The following ADAMTSL5 variants were observed in gnomAD, a reference collection of about 807,000 sequenced individuals.
ADAMTSL5 encodes the protein ADAMTS-like protein 5.
Under a neutral mutation model 51.7 loss-of-function variants are expected in ADAMTSL5, and 53 were observed. That is an observed-to-expected ratio of 1.03 (90% CI 0.82 to 1.29). ADAMTSL5 has a LOEUF of 1.29. Among genes scored for constraint, ADAMTSL5 ranks in the 50% most tolerant of loss-of-function variants. The pLI, the probability that ADAMTSL5 is intolerant of heterozygous loss-of-function variation, is 0.00. For missense variants in ADAMTSL5, 770 were observed against 676.2 expected (o/e 1.14, Z -1.54); for synonymous variants, 285 against 278.7 (o/e 1.02, Z -0.23).
In ADAMTSL5 at chr19:1,510,633, G is replaced by T; in HGVS notation, c.191+6C>A. 1 of 1,532,394 alleles carries T rather than the reference G, an allele frequency of 6.5e-7. No homozygotes were observed. Among genetic ancestry groups the T allele is most frequent in the Non-Finnish European group, 8.8e-7 (1 of 1,138,536 alleles). The allele number at this position is 1,532,394 out of a possible 1,614,324, so 94.9% of individuals were successfully genotyped here. On this transcript the variant is annotated splice_donor_region_variant and intron_variant, in intron 3 of 11. Transcript: ENST00000330475. Reference sequence around the variant, plus strand: ...GGGGCAGGGACCCCCTCCGGGCCCCGCTCACCGGAGGCAGCGCCGGCTGCG... The same window carrying T: ...GGGGCAGGGACCCCCTCCGGGCCCCTCTCACCGGAGGCAGCGCCGGCTGCG...
intron 5 of ADAMTSL5, among the ~76,000 whole-genome samples, chr19:1,509,250 A>G (rs58976815): frequency 0.63 from 76,886 of 121,386 alleles, 24,619 homozygotes; most frequent in Non-Finnish European, 0.72. Context: ...GCGAGACTCC[A>G]TCTCAAAAAA....
At chr19:1,507,180 C>T in intron 9 of ADAMTSL5, 62 bp downstream of exon 9, 1 of 1,512,572 alleles carries the variant, frequency 6.6e-7, no homozygotes, top group Non-Finnish European at 8.8e-7. Flanking sequence ...ACCCTCTGTC[C>T]CCAGCCTCTC....
rs1316620604 is a variant in ADAMTSL5 at position 1,508,526 on chromosome 19, A to G, written c.406T>C (p.Phe136Leu). Reference sequence around the variant, plus strand: ...AGGACGCGGCCGAAGCTGTGGTAGAAGGCGTGCCCCTCAGCCAGGCAGTTG... The same window carrying G: ...AGGACGCGGCCGAAGCTGTGGTAGAGGGCGTGCCCCTCAGCCAGGCAGTTG... ...DLNCLAEGHA[F>L]YHSFGRVLDG... Residue 136 changes from phenylalanine to leucine, a missense_variant, in exon 6 of 12, where the codon TTC becomes CTC. Coordinates refer to ENST00000330475, the MANE Select transcript of ADAMTSL5 (RefSeq NM_213604.3). The G allele has an allele frequency of 6.3e-7, 1 of 1,585,138 alleles. No individual in the cohort carries two copies. The highest frequency in any genetic ancestry group is 1.7e-5 in the Admixed American group (1 of 58,498).
rs1027104727 is a variant in ADAMTSL5, at chr19:1,505,956, C to T, written c.*59G>A. 2.1e-5 allele frequency: 31 copies of T among 1,451,414 alleles called. No individual in the cohort carries two copies. Among genetic ancestry groups the T allele is most frequent in the Admixed American group, 2.6e-5 (1 of 38,568 alleles). 89.9% of individuals were successfully genotyped at this position (1,451,414 alleles called of 1,614,324 possible). On this transcript the variant is annotated 3_prime_UTR_variant, in exon 12 of 12. Transcript: ENST00000330475. The stretch of plus-strand genomic sequence containing the variant: ...CAGGGTGAGAGGGGAAATACGTTGA[C>T]GTTGAGGCTGGTCAGATGTATCTTT...
intron 3 of ADAMTSL5, 85 bp from the exon 4 acceptor site, chr19:1,510,513 C>A: frequency 2.0e-6 from 3 of 1,511,634 alleles, no homozygotes; most frequent in Non-Finnish European, 2.7e-6. Flanking sequence ...CCAACCCCAC[C>A]CGCATTCCAG....
rs915723037 is a variant in ADAMTSL5 at position 1,506,487 on chromosome 19, A to G, written c.1114+103T>C. ...AGGGATTAGGGTCAAGAGGCAAATT[A>G]GGATCAGAAGAAGGGGTCAAGGGTA... On this transcript the variant is annotated intron_variant, in intron 11 of 11. Coordinates refer to ENST00000330475, the MANE Select transcript of ADAMTSL5 (RefSeq NM_213604.3). This position sits in a 1 kb window ranked among gnomAD's most constrained non-coding sequence, Gnocchi z 5.6. 40 of 1,482,360 alleles carry G rather than the reference A, an allele frequency of 2.7e-5. No individual in the cohort carries two copies. The highest frequency in any genetic ancestry group is 3.5e-5 in the Non-Finnish European group (38 of 1,080,370). 91.8% of individuals were successfully genotyped at this position (1,482,360 alleles called of 1,614,324 possible).
rs1245893479 is a variant in ADAMTSL5 at position 1,508,215 on chromosome 19, G to A, written c.490-106C>T. ...AGGACGAGGCCTGGAGGGAAGATGG[G>A]GGTGGAGCCTAGGGAGGAGCAGGAC... On this transcript the variant is annotated intron_variant, in intron 6 of 11. Transcript: ENST00000330475. The A allele has an allele frequency of 7.5e-6, 10 of 1,338,470 alleles. No homozygotes were observed. In the Admixed American group the frequency reaches 1.3e-4, roughly 17 times the overall value. 82.9% of individuals were successfully genotyped at this position (1,338,470 alleles called of 1,614,324 possible). A position where few individuals can be genotyped will look rare whatever the true frequency, so the allele number is the denominator to read the frequency against.
rs377730249 is a variant in ADAMTSL5 at position 1,506,245 on chromosome 19, C to T, written c.1186G>A (p.Val396Ile). ...CGCAGTGGCGAGCGGTTCTTGTAGA[C>T]GAGCTGGATGCGCACCTCATAGCGG... ...ETRYEVRIQL[V>I]YKNRSPLRAR... The change falls in exon 12 of 12, where the codon GTC becomes ATC. Residue 396 changes from valine to isoleucine, a missense_variant. Val to Ile is a conservative substitution (Grantham distance 29, BLOSUM62 3). Coordinates refer to ENST00000330475, the MANE Select transcript of ADAMTSL5 (RefSeq NM_213604.3). The surrounding 1 kb of genome is among the most constrained non-coding windows in gnomAD (Gnocchi z 5.6). The T allele has an allele frequency of 3.2e-5, 51 of 1,584,446 alleles. No homozygotes were observed. The highest frequency in any genetic ancestry group is 1.0e-4 in the Admixed American group (6 of 57,596).
In ADAMTSL5 at chr19:1,510,828, C is replaced by A; in HGVS notation, c.99+17G>T. 1 of 1,528,616 alleles carries A rather than the reference C, an allele frequency of 6.5e-7. No individual in the cohort carries two copies. Among genetic ancestry groups the A allele is most frequent in the Non-Finnish European group, 8.8e-7 (1 of 1,140,946 alleles). 94.7% of individuals were successfully genotyped at this position (1,528,616 alleles called of 1,614,324 possible). A position where few individuals can be genotyped will look rare whatever the true frequency, so the allele number is the denominator to read the frequency against. On this transcript the variant is annotated intron_variant, in intron 2 of 11. Coordinates refer to ENST00000330475, the MANE Select transcript of ADAMTSL5 (RefSeq NM_213604.3). Reference sequence around the variant, plus strand: ...CCATTCCCACTCGCCACCCCCTGGGCTCATGCCCCCCCTTACCTGAGCACT... The same window carrying A: ...CCATTCCCACTCGCCACCCCCTGGGATCATGCCCCCCCTTACCTGAGCACT...
At chr19:1,507,732 A>G in intron 7 of ADAMTSL5, 89 bp from the exon 8 acceptor site, 1 of 1,336,644 alleles carries the variant, frequency 7.5e-7, no homozygotes, top group Non-Finnish European at 1.1e-6. Flanking sequence ...TGCGGGTAAG[A>G]CAGCTAGCCA....
chr19:1,512,795 G>T (rs1367122855), intron 1 of ADAMTSL5, among the ~76,000 whole-genome samples, 168 bp downstream of exon 1: 1 of 151,826 alleles, frequency 6.6e-6, no homozygotes, highest in East Asian at 1.9e-4. Context: ...AAAGTGGGGG[G>T]CTACAAGGAC....
At chr19:1,507,509 G>A (rs1350730936) in intron 8 of ADAMTSL5, 48 bp downstream of exon 8, 9 of 1,611,744 alleles carry the variant, frequency 5.6e-6, no homozygotes, top group Admixed American at 3.3e-5. Context: ...AGGGACAACC[G>A]CCCCCGGGTG....
rs1400452597 is a variant in ADAMTSL5, at chr19:1,506,712, C to T, written c.1042+27G>A. On this transcript the variant is annotated intron_variant, in intron 10 of 11. Coordinates refer to ENST00000330475, the MANE Select transcript of ADAMTSL5 (RefSeq NM_213604.3). The surrounding 1 kb of genome is among the most constrained non-coding windows in gnomAD (Gnocchi z 5.6). ...GGCACAGGCCTCAGTCCCCACTCAT[C>T]CCCCACCCTGGCTGTCCCCACCTCA... The T allele has an allele frequency of 8.3e-6, 5 of 600,154 alleles. No individual in the cohort carries two copies. Among genetic ancestry groups the T allele is most frequent in the Non-Finnish European group, 1.2e-5 (5 of 422,038 alleles). The allele number at this position is 600,154 out of a possible 1,614,324, so 37.2% of individuals were successfully genotyped here.
At chr19:1,512,143 G>C (rs1219920092) in intron 1 of ADAMTSL5, among the ~76,000 whole-genome samples, 1 of 152,214 alleles carries the variant, frequency 6.6e-6, no homozygotes, top group African/African-American at 2.4e-5. Flanking sequence ...CCTGCTGCCA[G>C]CAGAGCCTGA....
intron 1 of ADAMTSL5, chr19:1,511,522 T>C (rs765207916): frequency 1.7e-6 from 2 of 1,190,254 alleles, no homozygotes; most frequent in Non-Finnish European, 2.1e-6. Context: ...CAGTAGGTGC[T>C]TAATCGATGC....
rs989852399 is a variant in ADAMTSL5, at chr19:1,511,030, C to T, written c.-87G>A. 2.2e-5 allele frequency: 23 copies of T among 1,038,690 alleles called. No individual in the cohort carries two copies. The African/African-American group carries it at 3.7e-4, about 17-fold the overall frequency. The allele number at this position is 1,038,690 out of a possible 1,614,324, so 64.3% of individuals were successfully genotyped here. A position where few individuals can be genotyped will look rare whatever the true frequency, so the allele number is the denominator to read the frequency against. On this transcript the variant is annotated 5_prime_UTR_variant, in exon 2 of 12. Coordinates refer to ENST00000330475, the MANE Select transcript of ADAMTSL5 (RefSeq NM_213604.3). Reference sequence around the variant, plus strand: ...TGGAAAGTAACTAAACCTCTCTGAGCCCTACCTCTCGTCTCTGAAAAACGG... The same window carrying T: ...TGGAAAGTAACTAAACCTCTCTGAGTCCTACCTCTCGTCTCTGAAAAACGG...
chr19:1,507,053 C>T (rs1912971736), intron 9 of ADAMTSL5, 125 bp from the exon 10 acceptor site: 7 of 1,284,128 alleles, frequency 5.5e-6, no homozygotes, highest in East Asian at 2.5e-5. Context: ...CTCTGATGCT[C>T]TGTCCCTAGC....
chr19:1,506,366 C>T lies in ADAMTSL5; in HGVS notation c.1115-50G>A. ...GCTGGCTGCTCAACTCTGCGCAAAT[C>T]TCTACGCCCCCTCCCTTGCCAGAAG... is the stretch of plus-strand genomic sequence containing the variant. On this transcript the variant is annotated intron_variant, in intron 11 of 11. Transcript: ENST00000330475. This position sits in a 1 kb window ranked among gnomAD's most constrained non-coding sequence, Gnocchi z 5.6. 3 of 1,532,268 alleles carry T rather than the reference C, an allele frequency of 2.0e-6. No individual in the cohort carries two copies. The East Asian group carries it at 6.9e-5, about 35-fold the overall frequency. The allele number at this position is 1,532,268 out of a possible 1,614,324, so 94.9% of individuals were successfully genotyped here. A position where few individuals can be genotyped will look rare whatever the true frequency, so the allele number is the denominator to read the frequency against.
chr19:1,510,650 C>A lies in ADAMTSL5; in HGVS notation c.180G>T (p.Arg60=). Residue 60 remains arginine (R), a synonymous_variant, in exon 3 of 12, where the codon CGG becomes CGT. Coordinates refer to ENST00000330475, the MANE Select transcript of ADAMTSL5 (RefSeq NM_213604.3). ...CGGGCCCCGCTCACCGGAGGCAGCG[C>A]CGGCTGCGCACAGAGACGCCACGCC... The part of the protein sequence containing the change: ...SCGRGVSVRS[R]RCLRLPGEEP... The A allele has an allele frequency of 3.3e-6, 5 of 1,537,282 alleles. No homozygotes were observed. The highest frequency in any genetic ancestry group is 3.5e-6 in the Non-Finnish European group (4 of 1,140,824).
Sources: gnomAD v4.1 joint callset for allele counts (sites outside exome capture counted in the v4.1 genomes callset) on GRCh38, gnomAD v4.1.1 for gene constraint, Gnocchi (gnomAD v3.1) non-coding constraint, MANE v1.5 for transcripts, NCBI Gene and HGNC (gene_info 2026-07-23, HGNC 2026-07-21) for gene names.